The following KRT23 variants were observed in gnomAD, a reference collection of about 807,000 sequenced individuals.
The protein encoded by KRT23 is keratin, type I cytoskeletal 23.
Under a neutral mutation model 47.6 loss-of-function variants are expected in KRT23, and 38 were observed. That is an observed-to-expected ratio of 0.80 (90% CI 0.62 to 1.05). The LOEUF (loss-of-function observed/expected upper bound fraction) is 1.05, where lower values mean the gene tolerates loss of function less well. KRT23 is among the 50% of genes least tolerant of loss of function. The pLI is 0.00. For missense variants in KRT23, 503 were observed against 529.5 expected, an observed-to-expected ratio of 0.95 and a Z score of 0.49; for synonymous variants, 191 against 199.0, an observed-to-expected ratio of 0.96 and a Z score of 0.34.
In KRT23 at chr17:40,925,442, T is replaced by C; in HGVS notation, c.1054A>G (p.Asn352Asp). The change falls in exon 7 of 9, where the codon AAT becomes GAT. Residue 352 changes from asparagine to aspartate, a missense_variant. Coordinates refer to ENST00000209718, the MANE Select transcript of KRT23 (RefSeq NM_015515.5). ...QLRHELERQNNEYQVLLGIKT... is the reference protein window; with the variant it reads ...QLRHELERQNDEYQVLLGIKT... ...ATGCCCAGCAGCACTTGGTATTCAT[T>C]GTTCTGCCGCTCCAGTTCATGGCGT... is the stretch of plus-strand genomic sequence containing the variant. 3 of 1,614,150 alleles carry C rather than the reference T, an allele frequency of 1.9e-6. No individual in the cohort carries two copies. Among genetic ancestry groups the C allele is most frequent in the South Asian group, 1.1e-5 (1 of 91,080 alleles).
intron 6 of KRT23, among the ~76,000 whole-genome samples, chr17:40,928,026 A>G (rs1382845534): frequency 1.3e-5 from 2 of 152,216 alleles, no homozygotes; most frequent in Admixed American, 6.5e-5. Context: ...GACATTTAAT[A>G]TCATGAACTA....
At chr17:40,924,585 G>T in intron 7 of KRT23, 82 bp from the exon 8 acceptor site, 1 of 1,096,516 alleles carries the variant, frequency 9.1e-7, no homozygotes, top group Non-Finnish European at 1.4e-6. Context: ...AACTTCCTTC[G>T]CTTGCTTGTA....
Position 40,931,372 on chromosome 17 carries a change from C to CTTGAGG in KRT23, c.474_479dup (p.Asn158_Leu159dup). 1 of 1,606,734 alleles carries CTTGAGG rather than the reference C, an allele frequency of 6.2e-7. No individual in the cohort carries two copies. The highest frequency in any genetic ancestry group is 1.3e-5 in the African/African-American group (1 of 74,896). ...AACAACCCTGTGAAGAAGGAACTTA[C>CTTGAGG]TTGAGGTTGAAGTCATCCACTGCCA... On this transcript the variant is annotated inframe_insertion and splice_region_variant. Coordinates refer to ENST00000209718, the MANE Select transcript of KRT23 (RefSeq NM_015515.5).
intron 8 of KRT23, among the ~76,000 whole-genome samples, chr17:40,923,483 T>C (rs1909049795): frequency 6.6e-6 from 1 of 152,202 alleles, no homozygotes; most frequent in South Asian, 2.1e-4. Context: ...GCATGCCACA[T>C]GAGGAATGGG....
intron 2 of KRT23, among the ~76,000 whole-genome samples, chr17:40,931,955 C>T (rs1909722032): frequency 6.6e-6 from 1 of 152,164 alleles, no homozygotes; most frequent in Non-Finnish European, 1.5e-5. Flanking sequence ...TCCAAAAATA[C>T]AAAAATTATT....
intron 3 of KRT23, among the ~76,000 whole-genome samples, chr17:40,931,012 C>CATT (rs1909627689): frequency 8.3e-6 from 1 of 120,828 alleles, no homozygotes; most frequent in Non-Finnish European, 1.6e-5. Context: ...ATGAGTTTTC[C>CATT]TTTTTTTTTT....
At chr17:40,933,737 T>C (rs184441858) in intron 2 of KRT23, among the ~76,000 whole-genome samples, 33 of 152,334 alleles carry the variant, frequency 2.2e-4, no homozygotes, top group Admixed American at 2.1e-3. Context: ...TAGTACAGAA[T>C]TATGATATAA....
intron 6 of KRT23, among the ~76,000 whole-genome samples, chr17:40,926,313 G>A (rs1171664070): frequency 1.3e-5 from 2 of 152,064 alleles, no homozygotes; most frequent in African/African-American, 2.4e-5. Flanking sequence ...TCCCTTTATC[G>A]TGGCTGCTAA....
In KRT23 at chr17:40,925,588, TG is replaced by T. The variant is rs763805193; in HGVS notation, c.922-15del. 9 of 1,579,562 alleles carry T rather than the reference TG, an allele frequency of 5.7e-6. No individual in the cohort carries two copies. The African/African-American group carries it at 6.7e-5, about 12-fold the overall frequency. ...CAAAGCAGATTTCTGAAAGAGGAAA[TG>T]ATCTTCTGTTAATTAACTGATGGCT... On this transcript the variant is annotated splice_polypyrimidine_tract_variant and intron_variant, in intron 6 of 8. Coordinates refer to ENST00000209718, the MANE Select transcript of KRT23 (RefSeq NM_015515.5).
chr17:40,933,301 G>A (rs8067066), intron 2 of KRT23, among the ~76,000 whole-genome samples: 68,275 of 151,914 alleles, frequency 0.45, 16,105 homozygotes, highest in East Asian at 0.72. Context: ...TTGCTATAAA[G>A]AAGGACACTT....
In KRT23 at chr17:40,936,221, T is replaced by C; in HGVS notation, c.383A>G (p.His128Arg). ...CCAGCATCTTACCTGCTCCTGCAGG[T>C]GTGTGATGTTTTCCTCATACTGGGA... is the stretch of plus-strand genomic sequence containing the variant. ...DYSQYEENIT[H>R]LQEQIVDGKM... is the part of the protein sequence containing the mutation. The change falls in exon 2 of 9, where the codon CAC becomes CGC. Residue 128 changes from histidine to arginine, a missense_variant. Coordinates refer to ENST00000209718, the MANE Select transcript of KRT23 (RefSeq NM_015515.5). 6 of 1,614,088 alleles carry C rather than the reference T, an allele frequency of 3.7e-6. No individual in the cohort carries two copies. Among genetic ancestry groups the C allele is most frequent in the Non-Finnish European group, 5.1e-6 (6 of 1,180,036 alleles).
At position 40,936,365 on chromosome 17, in the gene KRT23, T is replaced by C; in HGVS notation, c.239A>G (p.Asn80Ser). ...GNGKATMQNLNDRLASYLEKV... is the reference protein window; with the variant it reads ...GNGKATMQNLSDRLASYLEKV... ...CTCCAGGTAGGAGGCCAGGCGGTCG[T>C]TGAGATTCTGCATGGTGGCCTTCCC... The change falls in exon 2 of 9, where the codon AAC (asparagine) becomes AGC (serine). Residue 80 changes from asparagine to serine, a missense_variant. Coordinates refer to ENST00000209718, the MANE Select transcript of KRT23 (RefSeq NM_015515.5). 2 of 1,614,164 alleles carry C rather than the reference T, an allele frequency of 1.2e-6. No homozygotes were observed. The highest frequency in any genetic ancestry group is 1.7e-6 in the Non-Finnish European group (2 of 1,180,006).
At chr17:40,927,355 A>G (rs1460893674) in intron 6 of KRT23, among the ~76,000 whole-genome samples, 1 of 152,214 alleles carries the variant, frequency 6.6e-6, no homozygotes, top group Non-Finnish European at 1.5e-5. Flanking sequence ...GAAATACTGT[A>G]TGTTAAAACG....
chr17:40,925,033 T>C (rs1489047357), intron 7 of KRT23: 1 of 392,852 alleles, frequency 2.5e-6, no homozygotes, highest in South Asian at 5.0e-5. Context: ...GACTAACACA[T>C]TCCCCCTGCC....
chr17:40,928,722 C>T, intron 4 of KRT23, 115 bp from the exon 5 acceptor site: 1 of 908,320 alleles, frequency 1.1e-6, no homozygotes, highest in Non-Finnish European at 1.7e-6. Flanking sequence ...TGTGGTTGCT[C>T]CCACTGTCAC....
rs772214250 is a variant in KRT23 at position 40,931,449 on chromosome 17, C to T, written c.403G>A (p.Asp135Asn). 2 of 1,613,194 alleles carry T rather than the reference C, an allele frequency of 1.2e-6. No homozygotes were observed. The highest frequency in any genetic ancestry group is 1.1e-5 in the South Asian group (1 of 91,056). ...ATCTGAGCATTGGTCATCTTACCAT[C>T]CACTATCTGTAAAACATGCACAAAA... ...NITHLQEQIV[D>N]GKMTNAQIIL... The change falls in exon 3 of 9, where the codon GAT becomes AAT. Residue 135 changes from aspartate to asparagine, a missense_variant. Physicochemically the swap from Asp to Asn is conservative, Grantham distance 23. Coordinates refer to ENST00000209718, the MANE Select transcript of KRT23 (RefSeq NM_015515.5).
At position 40,929,958 on chromosome 17, in the gene KRT23, C is replaced by T. The variant is rs1909531736; in HGVS notation, c.618G>A (p.Met206Ile). ...VEGMRKELIL[M>I]KKHHEQEMEK... ...GTTGTACCTGCTCATGGTGCTTCTT[C>T]ATGAGAATGAGCTCTTTCCTCATTC... The change falls in exon 4 of 9, where the codon ATG becomes ATA. Residue 206 changes from methionine to isoleucine, a missense_variant. By Grantham distance (10) the Met-to-Ile change is conservative (BLOSUM62 1). Coordinates refer to ENST00000209718, the MANE Select transcript of KRT23 (RefSeq NM_015515.5). 1 of 1,613,992 alleles carries T rather than the reference C, an allele frequency of 6.2e-7. No individual in the cohort carries two copies. Among genetic ancestry groups the T allele is most frequent in the South Asian group, 1.1e-5 (1 of 91,064 alleles).
At position 40,928,975 on chromosome 17, in the gene KRT23, C is replaced by T. The variant is rs368498308; in HGVS notation, c.637-368G>A. ...CTGCGAGGTGGAGGCTGCAGTGAGC[C>T]GAGATTGCGCCACTGCACTCCAGCC... On this transcript the variant is annotated intron_variant, in intron 4 of 8. Transcript: ENST00000209718. Among the ~76,000 whole-genome samples, 322 of 133,200 alleles carry T rather than the reference C, an allele frequency of 2.4e-3. 2 individuals carry two copies. Among genetic ancestry groups the T allele is most frequent in the East Asian group, 0.012 (55 of 4,580 alleles). 87.4% of individuals were successfully genotyped at this position (133,200 alleles called of 152,430 possible).
intron 6 of KRT23, among the ~76,000 whole-genome samples, chr17:40,925,993 T>G (rs759321804): frequency 6.6e-6 from 1 of 152,192 alleles, no homozygotes; most frequent in Non-Finnish European, 1.5e-5. Flanking sequence ...TCCAAAATAT[T>G]GCTCCAGTAT....
Sources: allele counts gnomAD v4.1 joint callset (sites outside exome capture counted in the v4.1 genomes callset), GRCh38; gene constraint gnomAD v4.1.1; transcripts MANE v1.5; gene names NCBI Gene and HGNC (gene_info 2026-07-23, HGNC 2026-07-21).